The following NLRP2 variants were observed in gnomAD, a reference collection of about 807,000 sequenced individuals.
NLRP2 encodes the protein NLR family pyrin domain containing 2.
In NLRP2, 107 loss-of-function variants were observed where a neutral mutation model predicts 97.2. The observed-to-expected ratio is 1.10, with a 90% CI of 0.94 to 1.29. The LOEUF is 1.29. Ranked by LOEUF, NLRP2 falls within the 50% of genes most tolerant of loss-of-function variation. NLRP2 has a pLI of 0.00. For missense variants in NLRP2, 1,495 were observed against 1,330.3 expected (o/e 1.12, Z -1.93); for synonymous variants, 663 against 551.5 (o/e 1.20, Z -2.83).
In NLRP2 at chr19:54,978,056, G is replaced by GAGTTTT. The variant is rs2071357701; in HGVS notation, c.397+234_397+239dup. 2.0e-5 allele frequency among the ~76,000 whole-genome samples: 3 copies of GAGTTTT among 152,112 alleles called. No homozygotes were observed. The South Asian group carries it at 6.2e-4, about 32-fold the overall frequency. On this transcript the variant is annotated intron_variant, in intron 4 of 12. Coordinates refer to ENST00000448584, the MANE Select transcript of NLRP2 (RefSeq NM_017852.5). ...TAGAAAGTTAGGAGCACAGCGCAGAGAGTTTTTGTTTTTGTTTTTGTTTTG... is the reference window on the plus strand; with the variant it reads ...TAGAAAGTTAGGAGCACAGCGCAGAGAGTTTTAGTTTTTGTTTTTGTTTTTGTTTTG...
At chr19:54,975,251 G>A (rs1049551417) in intron 3 of NLRP2, among the ~76,000 whole-genome samples, 2 of 148,784 alleles carry the variant, frequency 1.3e-5, no homozygotes, top group Non-Finnish European at 3.0e-5. Context: ...CTCCTGAGTA[G>A]CTGGGACCAC....
chr19:54,972,281 A>AC (rs1327628704), intron 2 of NLRP2, among the ~76,000 whole-genome samples: 6 of 151,982 alleles, frequency 3.9e-5, no homozygotes, highest in Non-Finnish European at 8.8e-5. Context: ...CCCTGGGTTC[A>AC]AGTGTTTCTC....
At chr19:54,968,577 C>T (rs1198139342) in intron 1 of NLRP2, among the ~76,000 whole-genome samples, 2 of 151,888 alleles carry the variant, frequency 1.3e-5, no homozygotes, top group African/African-American at 2.4e-5. Flanking sequence ...AATCCTCCCA[C>T]CTTGGCTTCC....
Position 54,983,669 on chromosome 19 carries a change from A to T in NLRP2, c.1971A>T (p.Val657=). The T allele has an allele frequency of 6.2e-7, 1 of 1,613,996 alleles. No individual in the cohort carries two copies. The highest frequency in any genetic ancestry group is 1.1e-5 in the South Asian group (1 of 91,068). The change falls in exon 6 of 13, where the codon GTA becomes GTT. Residue 657 remains valine (V), a synonymous_variant. Transcript: ENST00000448584. The stretch of plus-strand genomic sequence containing the variant: ...ACCTGCAGAAAATGTCACTGCAGGT[A>T]ATAAAGGAGAATCTCCCGGAGAATG... The part of the protein sequence containing the change: ...CRNLQKMSLQ[V]IKENLPENVT...
At chr19:54,977,845 G>T (rs370890934) in intron 4 of NLRP2, 22 bp downstream of exon 4, 4 of 1,610,848 alleles carry the variant, frequency 2.5e-6, no homozygotes, top group Non-Finnish European at 3.4e-6. Context: ...GACCTCCAAT[G>T]TTGGAGTCAG....
At chr19:54,986,707 C>T (rs752028570) in intron 8 of NLRP2, among the ~76,000 whole-genome samples, 2 of 152,064 alleles carry the variant, frequency 1.3e-5, no homozygotes, top group Admixed American at 1.3e-4. Context: ...CCCGCCACCA[C>T]GCCCGGCTAA....
At chr19:54,996,776 C>G (rs1231682466) in intron 11 of NLRP2, among the ~76,000 whole-genome samples, 5 of 152,008 alleles carry the variant, frequency 3.3e-5, no homozygotes, top group African/African-American at 1.2e-4. Context: ...AGCTCTATGA[C>G]TCGGTCTCTT....
At chr19:54,989,966 G>A (rs2072348550) in intron 8 of NLRP2, 56 bp from the exon 9 acceptor site, 17 of 1,580,978 alleles carry the variant, frequency 1.1e-5, no homozygotes, top group Non-Finnish European at 1.4e-5. Context: ...GGCAACAAGA[G>A]TGAGACTCAG....
rs553972351 is a variant in NLRP2, at chr19:54,995,677, AAATACCTTGTGAG to A, written c.2879+1239_2879+1251del. Among the ~76,000 whole-genome samples the A allele has an allele frequency of 1.6e-4, 25 of 152,194 alleles. 2 individuals carry two copies. The South Asian group carries it at 5.2e-3, about 32-fold the overall frequency. On this transcript the variant is annotated intron_variant, in intron 11 of 12. Transcript: ENST00000448584. ...AGTGGTCTCAACTTGGCTATCTTAC[AAATACCTTGTGAG>A]TTAGCTACAATCAGATGCACTTGAA...
rs149897717 is a variant in NLRP2, at chr19:54,983,434, C to T, written c.1736C>T (p.Pro579Leu). ...GCCACTTTTGGCTGCCGGATGTCAC[C>T]GGACATCAAACAGGAATTGCTGCGA... ...LEATFGCRMSPDIKQELLRCD... is the reference protein window; with the variant it reads ...LEATFGCRMSLDIKQELLRCD... Residue 579 changes from proline (P) to leucine (L), a missense_variant, in exon 6 of 13, where the codon CCG (proline) becomes CTG (leucine). Physicochemically the swap from Pro to Leu is moderately conservative, Grantham distance 98. Coordinates refer to ENST00000448584, the MANE Select transcript of NLRP2 (RefSeq NM_017852.5). 2,237 of 1,614,150 alleles carry T rather than the reference C, an allele frequency of 1.4e-3. 25 individuals are homozygous for T. The highest frequency in any genetic ancestry group is 0.011 in the South Asian group (992 of 91,076).
rs925751511 is a variant in NLRP2, at chr19:54,997,416, C to G, written c.2979C>G (p.Pro993=). The G allele has an allele frequency of 2.5e-6, 4 of 1,614,100 alleles. No homozygotes were observed. The highest frequency in any genetic ancestry group is 2.2e-5 in the East Asian group (1 of 44,898). The change falls in exon 12 of 13, where the codon CCC becomes CCG. Residue 993 remains proline (P), a synonymous_variant. Coordinates refer to ENST00000448584, the MANE Select transcript of NLRP2 (RefSeq NM_017852.5). The part of the protein sequence containing the change: ...SLVTLDLGQN[P]LGSSGVKMLF... ...TCACTCTGGACCTGGGTCAGAATCC[C>G]TTGGGGTCTAGTGGAGTGAAGATGC...
Position 54,977,828 on chromosome 19 carries a change from G to GT in NLRP2, c.397+6dup. 1 of 1,613,418 alleles carries GT rather than the reference G, an allele frequency of 6.2e-7. No homozygotes were observed. Among genetic ancestry groups the GT allele is most frequent in the East Asian group, 2.2e-5 (1 of 44,870 alleles). ...GCTTCAAAACAGAAGCACAAGGTGGGTGTCAGGACCTCCAATGTTGGAGTC... is the reference window on the plus strand; with the variant it reads ...GCTTCAAAACAGAAGCACAAGGTGGGTTGTCAGGACCTCCAATGTTGGAGTC... On this transcript the variant is annotated splice_donor_region_variant and intron_variant, in intron 4 of 12. Coordinates refer to ENST00000448584, the MANE Select transcript of NLRP2 (RefSeq NM_017852.5).
chr19:54,974,444 A>G (rs1282327802), intron 2 of NLRP2, 56 bp from the exon 3 acceptor site: 1 of 1,305,282 alleles, frequency 7.7e-7, no homozygotes, highest in African/African-American at 1.4e-5. Flanking sequence ...TATGAAGGCA[A>G]TAAAATCTTG....
At chr19:54,986,374 T>C (rs773966970) in intron 8 of NLRP2, 59 bp downstream of exon 8, 4 of 1,521,374 alleles carry the variant, frequency 2.6e-6, no homozygotes, top group Admixed American at 1.7e-5. Flanking sequence ...CACAAGCTTA[T>C]GTGGCAATTT....
rs1191930007 is a variant in NLRP2 at position 54,990,021 on chromosome 19, G to A, written c.2367-1G>A. On this transcript the variant is annotated splice_acceptor_variant, in intron 8 of 12. Transcript: ENST00000448584. LOFTEE classifies it high-confidence loss of function. Reference sequence around the variant, plus strand: ...ATGACGTGGTCCTATTTCTCCCACAGGTTGGTGTCTTGTTCCGCTACCACT... The same window carrying A: ...ATGACGTGGTCCTATTTCTCCCACAAGTTGGTGTCTTGTTCCGCTACCACT... 2 of 1,613,576 alleles carry A rather than the reference G, an allele frequency of 1.2e-6. No individual in the cohort carries two copies. Among genetic ancestry groups the A allele is most frequent in the Non-Finnish European group, 1.7e-6 (2 of 1,179,942 alleles).
At position 54,976,207 on chromosome 19, in the gene NLRP2, A is replaced by G. The variant is rs189941268; in HGVS notation, c.326-1545A>G. 1.3e-4 allele frequency among the ~76,000 whole-genome samples: 20 copies of G among 152,042 alleles called. No individual in the cohort carries two copies. The Middle Eastern group carries it at 0.01, about 78-fold the overall frequency. ...GTAGCTGGGATTATAGGTGTCTGCCACCAAGCCCAGCTAATTTTTGTAATT... is the reference window on the plus strand; with the variant it reads ...GTAGCTGGGATTATAGGTGTCTGCCGCCAAGCCCAGCTAATTTTTGTAATT... On this transcript the variant is annotated intron_variant, in intron 3 of 12. Coordinates refer to ENST00000448584, the MANE Select transcript of NLRP2 (RefSeq NM_017852.5).
intron 6 of NLRP2, among the ~76,000 whole-genome samples, chr19:54,984,675 G>C (rs371464418): frequency 8.0e-5 from 12 of 150,940 alleles, no homozygotes; most frequent in African/African-American, 2.7e-4. Context: ...TAGAGACGGG[G>C]TTTCACCATG....
At chr19:54,985,665 G>A (rs560086767) in intron 7 of NLRP2, among the ~76,000 whole-genome samples, 22 of 129,630 alleles carry the variant, frequency 1.7e-4, no homozygotes, top group East Asian at 6.6e-4. Flanking sequence ...GTGACAGAGC[G>A]AGACTGCGTC....
chr19:54,977,732 ATG>A lies in NLRP2; in HGVS notation c.326-19_326-18del. ...CTGCCAGCACAGCAACAGGCCTGTA[ATG>A]CCGCCCTTTTTCTCCAGGGATAACA... On this transcript the variant is annotated intron_variant, in intron 3 of 12. Coordinates refer to ENST00000448584, the MANE Select transcript of NLRP2 (RefSeq NM_017852.5). The A allele has an allele frequency of 1.2e-6, 2 of 1,613,512 alleles. No individual in the cohort carries two copies. The highest frequency in any genetic ancestry group is 1.7e-6 in the Non-Finnish European group (2 of 1,179,854).
Sources: gnomAD v4.1 joint callset for allele counts (sites outside exome capture counted in the v4.1 genomes callset) on GRCh38, gnomAD v4.1.1 for gene constraint, MANE v1.5 for transcripts, NCBI Gene and HGNC (gene_info 2026-07-23, HGNC 2026-07-21) for gene names.